The following HIPK2 variants were observed in gnomAD, a reference collection of about 807,000 sequenced individuals.
The protein encoded by HIPK2 is homeodomain interacting protein kinase 2.
Under a neutral mutation model 113.7 loss-of-function variants are expected in HIPK2, and 27 were observed. The observed-to-expected ratio is 0.24, with a 90% CI of 0.17 to 0.33. The LOEUF (loss-of-function observed/expected upper bound fraction) is 0.33, where lower values mean the gene tolerates loss of function less well. Among genes scored for constraint, HIPK2 ranks in the 10% least tolerant of loss-of-function variants. The probability of loss-of-function intolerance (pLI) is 1.00; values close to 1 mark genes in which losing one functional copy is unlikely to be tolerated. For synonymous variants in HIPK2, 631 were observed against 642.2 expected (o/e 0.98, Z 0.26); for missense variants, 1,257 against 1,588.0 (o/e 0.79, Z 3.54).
At position 139,630,522 on chromosome 7, in the gene HIPK2, T is replaced by C. The variant is rs1800572083; in HGVS notation, c.1347+643A>G. 6.6e-6 allele frequency among the ~76,000 whole-genome samples: 1 copy of C among 152,246 alleles called. No homozygotes were observed. Among genetic ancestry groups the C allele is most frequent in the Non-Finnish European group, 1.5e-5 (1 of 68,046 alleles). On this transcript the variant is annotated intron_variant, in intron 4 of 14. Coordinates refer to ENST00000406875, the MANE Select transcript of HIPK2 (RefSeq NM_022740.5). This position sits in a 1 kb window ranked among gnomAD's most constrained non-coding sequence, Gnocchi z 4.0. ...AAGTGATTCACGTGCCTCAGCTTCC[T>C]GAGTAGGTGGGATTACAGGAGCATG...
chr7:139,769,412 A>G (rs1167204947), intron 1 of HIPK2, among the ~76,000 whole-genome samples: 2 of 152,344 alleles, frequency 1.3e-5, no homozygotes, highest in Middle Eastern at 3.4e-3. Flanking sequence ...TTGTTCAAGT[A>G]TCATTCTGAT....
At chr7:139,702,412 A>G (rs1448186636) in intron 2 of HIPK2, among the ~76,000 whole-genome samples, 2 of 152,210 alleles carry the variant, frequency 1.3e-5, no homozygotes, top group Non-Finnish European at 2.9e-5. Flanking sequence ...ACGGGGGTGC[A>G]TATCCCGGGT....
In HIPK2 at chr7:139,571,969, G is replaced by A. The variant is rs1292769433; in HGVS notation, c.*958C>T. ...TCGCTTTTTTTTGTGCAATTACATTGAGGAATATTCTATTGGTATCATTGG... is the reference window on the plus strand; with the variant it reads ...TCGCTTTTTTTTGTGCAATTACATTAAGGAATATTCTATTGGTATCATTGG... On this transcript the variant is annotated 3_prime_UTR_variant, in exon 15 of 15. Coordinates refer to ENST00000406875, the MANE Select transcript of HIPK2 (RefSeq NM_022740.5). 1 of 152,236 alleles carries A rather than the reference G, an allele frequency of 6.6e-6. No individual in the cohort carries two copies. Among genetic ancestry groups the A allele is most frequent in the African/African-American group, 2.4e-5 (1 of 41,452 alleles). The allele number at this position is 152,236 out of a possible 1,614,324, so 9.4% of individuals were successfully genotyped here.
intron 1 of HIPK2, among the ~76,000 whole-genome samples, chr7:139,759,999 C>T (rs1796437287): frequency 2.0e-5 from 3 of 151,200 alleles, no homozygotes. Flanking sequence ...AAACATCTAC[C>T]TAGTTGTTTT....
intron 2 of HIPK2, among the ~76,000 whole-genome samples, chr7:139,703,779 AACACACACCAC>A (rs1289982463): frequency 1.3e-4 from 15 of 114,028 alleles, no homozygotes; most frequent in African/African-American, 4.9e-4. Flanking sequence ...CACTACACCC[AACACACACCAC>A]ACACACACCC....
In HIPK2 at chr7:139,708,278, TGGTTTCATG is replaced by T. The variant is rs548520133; in HGVS notation, c.1103+7645_1103+7653del. Among the ~76,000 whole-genome samples, 60 of 152,284 alleles carry T rather than the reference TGGTTTCATG, an allele frequency of 3.9e-4. 1 individual carries two copies. In the South Asian group the frequency reaches 9.1e-3, roughly 23 times the overall value. On this transcript the variant is annotated intron_variant, in intron 2 of 14. Coordinates refer to ENST00000406875, the MANE Select transcript of HIPK2 (RefSeq NM_022740.5). ...GATATGCCTATGGCATAGGCTGTGGTGGTTTCATGGGTATATACTCAGCCCCGAACCCAT... is the reference window on the plus strand; with the variant it reads ...GATATGCCTATGGCATAGGCTGTGGTGGTATATACTCAGCCCCGAACCCAT...
chr7:139,591,932 A>C (rs1799039226), intron 12 of HIPK2, among the ~76,000 whole-genome samples: 1 of 152,260 alleles, frequency 6.6e-6, no homozygotes, highest in Non-Finnish European at 1.5e-5. Flanking sequence ...GTAGCAATGG[A>C]GGCTAATCCC....
At chr7:139,581,195 G>T (rs904752778) in intron 13 of HIPK2, among the ~76,000 whole-genome samples, 1 of 152,174 alleles carries the variant, frequency 6.6e-6, no homozygotes, top group African/African-American at 2.4e-5. Context: ...ACTCCAGCCT[G>T]GGTGACACAG....
In HIPK2 at chr7:139,694,703, T is replaced by C. The variant is rs1033798061; in HGVS notation, c.1103+21229A>G. On this transcript the variant is annotated intron_variant, in intron 2 of 14. Transcript: ENST00000406875. ...ACTCAGCTATGATAAATGGGGGAGG[T>C]AGTGTCTGCTTTGGTTTAGTGGAAA... 6.6e-5 allele frequency among the ~76,000 whole-genome samples: 10 copies of C among 151,534 alleles called. No individual in the cohort carries two copies. In the East Asian group the frequency reaches 1.9e-3, roughly 30 times the overall value.
intron 2 of HIPK2, among the ~76,000 whole-genome samples, chr7:139,668,494 A>G (rs1035123665): frequency 1.3e-4 from 19 of 151,214 alleles, no homozygotes; most frequent in Non-Finnish European, 2.7e-4. Context: ...CCCGGGAGGC[A>G]GAGCTTGCAG....
chr7:139,704,444 ACCC>A (rs1429599529), intron 2 of HIPK2, among the ~76,000 whole-genome samples: 9 of 139,286 alleles, frequency 6.5e-5, no homozygotes, highest in East Asian at 4.5e-4. Flanking sequence ...CAACATACAC[ACCC>A]CCAACACATA....
Position 139,573,126 on chromosome 7 carries a change from T to C in HIPK2, c.3398A>G (p.His1133Arg). The C allele has an allele frequency of 6.2e-7, 1 of 1,611,580 alleles. No homozygotes were observed. The highest frequency in any genetic ancestry group is 8.5e-7 in the Non-Finnish European group (1 of 1,179,210). The part of the protein sequence containing the change: ...SQGSARHTVQ[H>R]TAYPASIVHQ... ...GACGATGCTGGCTGGGTAGGCAGTG[T>C]GCTGCACGGTGTGGCGCGCAGAGCC... The change falls in exon 15 of 15, where the codon CAC (histidine) becomes CGC (arginine). Residue 1133 changes from histidine (H) to arginine (R), a missense_variant. Transcript: ENST00000406875.
In HIPK2 at chr7:139,573,270, G is replaced by A. The variant is rs747535840; in HGVS notation, c.3254C>T (p.Pro1085Leu). The change falls in exon 15 of 15, where the codon CCG becomes CTG. Residue 1085 changes from proline to leucine, a missense_variant. Pro to Leu is a moderately conservative substitution (Grantham distance 98). Coordinates refer to ENST00000406875, the MANE Select transcript of HIPK2 (RefSeq NM_022740.5). ...AGCGGCAGCGGCTGCAGCCAGATGCGGGTGCACAGTGCCGTGGCTGGGGCT... is the reference window on the plus strand; with the variant it reads ...AGCGGCAGCGGCTGCAGCCAGATGCAGGTGCACAGTGCCGTGGCTGGGGCT... ...HNSPSHGTVHPHLAAAAAAAH... is the reference protein window; with the variant it reads ...HNSPSHGTVHLHLAAAAAAAH... 20 of 1,604,768 alleles carry A rather than the reference G, an allele frequency of 1.2e-5. No individual in the cohort carries two copies. The highest frequency in any genetic ancestry group is 3.3e-5 in the South Asian group (3 of 91,028).
At chr7:139,662,101 C>G (rs1801886323) in intron 2 of HIPK2, among the ~76,000 whole-genome samples, 3 of 152,334 alleles carry the variant, frequency 2.0e-5, no homozygotes, top group African/African-American at 7.2e-5. Flanking sequence ...GCTAAAAAGC[C>G]TTTTATGTCT....
chr7:139,725,357 A>C (rs1795543350), intron 1 of HIPK2, among the ~76,000 whole-genome samples: 1 of 152,268 alleles, frequency 6.6e-6, no homozygotes, highest in African/African-American at 2.4e-5. Context: ...TCCTGCAAAC[A>C]GAGTGTACTT....
intron 2 of HIPK2, among the ~76,000 whole-genome samples, chr7:139,679,972 C>A (rs1802638938): frequency 6.6e-6 from 1 of 151,908 alleles, no homozygotes; most frequent in Admixed American, 6.6e-5. Flanking sequence ...TCCCAAAAGC[C>A]AGATACCCTG....
intron 1 of HIPK2, among the ~76,000 whole-genome samples, chr7:139,748,653 A>T (rs1056496534): frequency 6.6e-6 from 1 of 151,918 alleles, no homozygotes; most frequent in African/African-American, 2.4e-5. Flanking sequence ...TAGTCATACT[A>T]GACTAGGGGC....
intron 1 of HIPK2, among the ~76,000 whole-genome samples, chr7:139,731,002 G>A (rs984556770): frequency 1.3e-5 from 2 of 152,170 alleles, no homozygotes; most frequent in Non-Finnish European, 2.9e-5. Context: ...TGGAGTCTTC[G>A]AGGGAACGTG....
chr7:139,709,181 A>G (rs565194681), intron 2 of HIPK2, among the ~76,000 whole-genome samples: 4 of 152,310 alleles, frequency 2.6e-5, no homozygotes, highest in African/African-American at 9.6e-5. Flanking sequence ...ACGTATTTAT[A>G]ACAGTCTCCC....
Sources: allele counts gnomAD v4.1 joint callset (sites outside exome capture counted in the v4.1 genomes callset), GRCh38; gene constraint gnomAD v4.1.1; non-coding constraint Gnocchi (gnomAD v3.1); transcripts MANE v1.5; gene names NCBI Gene and HGNC (gene_info 2026-07-23, HGNC 2026-07-21).